ADRA1A: variants seen among roughly 807,000 people sequenced by gnomAD.
ADRA1A encodes alpha-1A adrenergic receptor.
A neutral mutation model predicts 29.6 loss-of-function variants in ADRA1A; 31 were observed. The observed-to-expected ratio is 1.05, with a 90% CI of 0.79 to 1.41. The LOEUF is 1.41. Among genes scored for constraint, ADRA1A ranks in the 40% most tolerant of loss-of-function variants. The pLI is 0.00. For synonymous variants in ADRA1A, 311 were observed against 254.3 expected, an observed-to-expected ratio of 1.22 and a Z score of -2.12; for missense variants, 619 against 601.1, an observed-to-expected ratio of 1.03 and a Z score of -0.31.
intron 2 of ADRA1A, among the ~76,000 whole-genome samples, chr8:26,856,355 T>C (rs897931851): frequency 6.6e-6 from 1 of 152,252 alleles, no homozygotes. Context: ...ATCCACAATC[T>C]TGTTTTCACT....
chr8:26,857,285 A>G (rs1173261839), intron 2 of ADRA1A, among the ~76,000 whole-genome samples: 1 of 152,142 alleles, frequency 6.6e-6, no homozygotes, highest in African/African-American at 2.4e-5. Context: ...TAGAATCATG[A>G]GACATAGATG....
downstream of ADRA1A, chr8:26,768,805 G>A: frequency 1.4e-6 from 1 of 704,144 alleles, no homozygotes; most frequent in Non-Finnish European, 1.7e-6. Context: ...AGATACACAA[G>A]TTCTGTACTG....
At chr8:26,757,095 T>C (rs773617429) in intron 2 of ADRA1A, 4 of 702,712 alleles carry the variant, frequency 5.7e-6, no homozygotes, top group Non-Finnish European at 1.0e-5. Context: ...CGTTCATCCT[T>C]GCAGCTGCTT....
At chr8:26,810,709 C>G (rs1354035288) in intron 2 of ADRA1A, among the ~76,000 whole-genome samples, 2 of 152,184 alleles carry the variant, frequency 1.3e-5, no homozygotes, top group African/African-American at 4.8e-5. Context: ...TCAGGTCTCA[C>G]TCTTCAACCT....
Position 26,750,927 on chromosome 8 carries a change from G to T in ADRA1A, c.1270-2179C>A, listed in dbSNP as rs112660458. 3.1e-3 allele frequency among the ~76,000 whole-genome samples: 476 copies of T among 152,302 alleles called. 2 individuals are homozygous for T. Among genetic ancestry groups the T allele is most frequent in the African/African-American group, 0.01 (430 of 41,556 alleles). On this transcript the variant is annotated intron_variant, in intron 2 of 2. Transcript: ENST00000380586. ...TCTACTGAAAATACAAAATTAGCCA[G>T]GTGCGGTGGCGCATGCCTGTAATCC...
chr8:26,779,371 G>C, intron 2 of ADRA1A: 1 of 702,830 alleles, frequency 1.4e-6, no homozygotes, highest in Non-Finnish European at 2.6e-6. Context: ...GCTGCATGGT[G>C]AACTGGTTGT....
In ADRA1A at chr8:26,815,881, C is replaced by T. The variant is rs1809719374; in HGVS notation, c.884-45215G>A. Among the ~76,000 whole-genome samples the T allele has an allele frequency of 6.6e-6, 1 of 152,100 alleles. No homozygotes were observed. Among genetic ancestry groups the T allele is most frequent in the Non-Finnish European group, 1.5e-5 (1 of 68,042 alleles). Reference sequence around the variant, plus strand: ...GTGCTAATGCTTCTCTGGAGAGGTTCCAGGGCAGAAGGAATGAGAGAAAAG... The same window carrying T: ...GTGCTAATGCTTCTCTGGAGAGGTTTCAGGGCAGAAGGAATGAGAGAAAAG... On this transcript the variant is annotated intron_variant, in intron 2 of 2. Coordinates refer to ENST00000380573, the MANE Select transcript of ADRA1A (RefSeq NM_000680.4). This position sits in a 1 kb window ranked among gnomAD's most constrained non-coding sequence, Gnocchi z 4.2.
chr8:26,756,470 C>T lies in ADRA1A; in HGVS notation c.*289G>A, dbSNP rs1805173315. The T allele has an allele frequency of 2.0e-6, 3 of 1,476,204 alleles. No homozygotes were observed. In the Admixed American group the frequency reaches 6.3e-5, roughly 31 times the overall value. 91.4% of individuals were successfully genotyped at this position (1,476,204 alleles called of 1,614,324 possible). ...AATGGGGGAGGGAGGTTGTATGAAA[C>T]TGATTTACAAAAAATCGAGCTATTT... is the stretch of plus-strand genomic sequence containing the variant. On this transcript the variant is annotated 3_prime_UTR_variant, in exon 3 of 3. Transcript: ENST00000380582.
At chr8:26,830,421 T>C (rs1016213914) in intron 2 of ADRA1A, among the ~76,000 whole-genome samples, 1 of 152,158 alleles carries the variant, frequency 6.6e-6, no homozygotes, top group Non-Finnish European at 1.5e-5. Flanking sequence ...GAATCCCAAA[T>C]GTACTAATCA....
At chr8:26,819,363 A>ATAAAACTATG (rs1585757132) in intron 2 of ADRA1A, among the ~76,000 whole-genome samples, 1 of 152,312 alleles carries the variant, frequency 6.6e-6, no homozygotes, top group East Asian at 1.9e-4. Flanking sequence ...ATATGAAAAT[A>ATAAAACTATG]TAAAACTCAC....
intron 2 of ADRA1A, among the ~76,000 whole-genome samples, chr8:26,799,163 C>T (rs979906985): frequency 2.6e-5 from 4 of 151,510 alleles, no homozygotes; most frequent in African/African-American, 9.8e-5. Context: ...TACTCTTCTG[C>T]TGTAAAAAAA....
chr8:26,812,021 A>C (rs1370096500), intron 2 of ADRA1A, among the ~76,000 whole-genome samples: 1 of 152,236 alleles, frequency 6.6e-6, no homozygotes, highest in Non-Finnish European at 1.5e-5. Context: ...AAACATTCTT[A>C]CAAATATCTT....
intron 2 of ADRA1A, among the ~76,000 whole-genome samples, chr8:26,839,251 C>T (rs1245524045): frequency 4.6e-5 from 7 of 151,390 alleles, no homozygotes; most frequent in East Asian, 1.9e-4. Context: ...CTCCGCCTCC[C>T]GGGTTCAAGT....
At chr8:26,798,080 G>A (rs1808311745) in intron 2 of ADRA1A, among the ~76,000 whole-genome samples, 3 of 152,028 alleles carry the variant, frequency 2.0e-5, no homozygotes, top group Non-Finnish European at 2.9e-5. Context: ...CCAGGCTCAA[G>A]TGATTCTCCT....
intron 2 of ADRA1A, among the ~76,000 whole-genome samples, chr8:26,850,527 G>T (rs777107629): frequency 2.6e-5 from 4 of 152,198 alleles, no homozygotes; most frequent in Non-Finnish European, 5.9e-5. Context: ...ACAAAGTGTT[G>T]CTCTGTTGCC....
intron 2 of ADRA1A, among the ~76,000 whole-genome samples, chr8:26,853,570 A>T (rs1419169767): frequency 6.6e-6 from 1 of 152,196 alleles, no homozygotes; most frequent in African/African-American, 2.4e-5. Context: ...TCCAAAATAG[A>T]TCCAAAATTC....
At chr8:26,801,882 G>A (rs1808606313) in intron 2 of ADRA1A, among the ~76,000 whole-genome samples, 1 of 152,096 alleles carries the variant, frequency 6.6e-6, no homozygotes, top group Admixed American at 6.6e-5. Flanking sequence ...CATGGTACCG[G>A]CATAAAAACA....
intron 2 of ADRA1A, among the ~76,000 whole-genome samples, chr8:26,785,666 T>C (rs1033311133): frequency 1.3e-5 from 2 of 152,152 alleles, no homozygotes; most frequent in African/African-American, 4.8e-5. Flanking sequence ...CATTCAGCCA[T>C]CAAGCGAGTG....
At chr8:26,791,378 G>A (rs573118593) in intron 2 of ADRA1A, among the ~76,000 whole-genome samples, 6 of 152,160 alleles carry the variant, frequency 3.9e-5, no homozygotes, top group South Asian at 4.1e-4. Context: ...TTTTTGATCC[G>A]TATTGCCAAA....
Sources: allele counts gnomAD v4.1 joint callset (sites outside exome capture counted in the v4.1 genomes callset), GRCh38; gene constraint gnomAD v4.1.1; non-coding constraint Gnocchi (gnomAD v3.1); transcripts MANE v1.5; gene names NCBI Gene and HGNC (gene_info 2026-07-23, HGNC 2026-07-21).